Variants in SYT17 observed in about 807,000 individuals in gnomAD.
The protein encoded by SYT17 is synaptotagmin-17.
In SYT17, 22 loss-of-function variants were observed where a neutral mutation model predicts 46.7. The observed-to-expected ratio is 0.47, with a 90% CI of 0.34 to 0.67. The LOEUF is 0.67. SYT17 is among the 30% of genes least tolerant of loss of function. The pLI, the probability that SYT17 is intolerant of heterozygous loss-of-function variation, is 0.01. For missense variants in SYT17, 519 were observed against 612.8 expected (o/e 0.85, Z 1.62); for synonymous variants, 251 against 248.4 (o/e 1.01, Z -0.10).
intron 7 of SYT17, among the ~76,000 whole-genome samples, chr16:19,232,123 AGGGGTTGGC>A (rs1966719455): frequency 1.3e-5 from 2 of 152,210 alleles, no homozygotes; most frequent in Admixed American, 1.3e-4. Flanking sequence ...TAAAACTGCC[AGGGGTTGGC>A]ATGAAAGACC....
At chr16:19,201,451 A>G (rs1379360662) in intron 5 of SYT17, among the ~76,000 whole-genome samples, 2 of 152,126 alleles carry the variant, frequency 1.3e-5, no homozygotes, top group Non-Finnish European at 2.9e-5. Flanking sequence ...ACTCCTGTAC[A>G]AATGCCCAGT....
intron 7 of SYT17, among the ~76,000 whole-genome samples, chr16:19,232,753 C>A (rs1398352071): frequency 6.6e-6 from 1 of 151,902 alleles, no homozygotes; most frequent in Non-Finnish European, 1.5e-5. Flanking sequence ...ATTGCTTGAG[C>A]CTTGGGAGGT....
rs574857424 is a variant in SYT17 at position 19,247,950 on chromosome 16, A to C, written c.1229-18930A>C. Among the ~76,000 whole-genome samples, 14 of 152,344 alleles carry C rather than the reference A, an allele frequency of 9.2e-5. No homozygotes were observed. In the South Asian group the frequency reaches 2.7e-3, roughly 29 times the overall value. On this transcript the variant is annotated intron_variant, in intron 7 of 7. Transcript: ENST00000355377. ...AAATAAAAAGCCAAGCCATGCCCTG[A>C]GAGAAATTTTTGGCAAAACATATAT... is the stretch of plus-strand genomic sequence containing the variant.
At chr16:19,215,155 G>C (rs1003280662) in intron 5 of SYT17, among the ~76,000 whole-genome samples, 4 of 152,188 alleles carry the variant, frequency 2.6e-5, no homozygotes, top group African/African-American at 7.2e-5. Flanking sequence ...AACGGGAACT[G>C]CAGTGCTATT....
rs148528153 is a variant in SYT17 at position 19,203,963 on chromosome 16, C to T, written c.952-19082C>T. Among the ~76,000 whole-genome samples, 667 of 152,304 alleles carry T rather than the reference C, an allele frequency of 4.4e-3. 1 individual carries two copies. The highest frequency in any genetic ancestry group is 0.024 in the Middle Eastern group (7 of 294). On this transcript the variant is annotated intron_variant, in intron 5 of 7. Coordinates refer to ENST00000355377, the MANE Select transcript of SYT17 (RefSeq NM_016524.4). ...AAGCGGAAGCTGGGGAATGAAAAGC[C>T]TCAGGCCAGGCCATGGATCTTAGCG...
At chr16:19,201,104 C>T (rs543883997) in intron 5 of SYT17, among the ~76,000 whole-genome samples, 44 of 152,276 alleles carry the variant, frequency 2.9e-4, no homozygotes, top group Admixed American at 3.9e-4. Context: ...CAGCTACTGC[C>T]GGACAGTCCA....
chr16:19,177,216 G>A (rs1369810341), intron 3 of SYT17, among the ~76,000 whole-genome samples: 1 of 152,100 alleles, frequency 6.6e-6, no homozygotes, highest in Non-Finnish European at 1.5e-5. Flanking sequence ...AAGTGGACTG[G>A]AACTTTCCCA....
chr16:19,205,776 C>G (rs1965646746), intron 5 of SYT17, among the ~76,000 whole-genome samples: 1 of 152,232 alleles, frequency 6.6e-6, no homozygotes, highest in African/African-American at 2.4e-5. Context: ...GCCACTGCAC[C>G]CAGCCCCTTG....
chr16:19,266,896 G>T lies in SYT17; in HGVS notation c.1245G>T (p.Met415Ile). ...SLVFTVFGHN[M>I]KSSNDFIGRI... The stretch of plus-strand genomic sequence containing the variant: ...GCTCCCTAGTTTTCGGCCACAACAT[G>T]AAGAGCAGCAATGACTTCATCGGGA... Residue 415 changes from methionine (M) to isoleucine (I), a missense_variant, in exon 8 of 8, where the codon ATG becomes ATT. Coordinates refer to ENST00000355377, the MANE Select transcript of SYT17 (RefSeq NM_016524.4). The T allele has an allele frequency of 6.2e-7, 1 of 1,613,138 alleles. No homozygotes were observed. The highest frequency in any genetic ancestry group is 8.5e-7 in the Non-Finnish European group (1 of 1,179,752).
intron 7 of SYT17, among the ~76,000 whole-genome samples, chr16:19,230,120 T>C (rs142425809): frequency 0.013 from 2,008 of 152,130 alleles, 46 homozygotes; most frequent in African/African-American, 0.047. Context: ...TAAGAAAAGT[T>C]CTGGAGGCCA....
chr16:19,169,949 C>T (rs1964018443), intron 1 of SYT17: 1 of 152,104 alleles, frequency 6.6e-6, no homozygotes, highest in Admixed American at 6.6e-5. Context: ...CCGCCTTCAG[C>T]ACAGAGAAAT....
chr16:19,174,729 T>C (rs1166474835), intron 3 of SYT17, among the ~76,000 whole-genome samples: 2 of 152,194 alleles, frequency 1.3e-5, no homozygotes, highest in Admixed American at 6.5e-5. Context: ...ATAAAAAGAA[T>C]AGTATTTCTC....
chr16:19,190,021 T>C (rs921603582), intron 5 of SYT17, among the ~76,000 whole-genome samples: 12 of 152,160 alleles, frequency 7.9e-5, no homozygotes, highest in African/African-American at 2.4e-4. Context: ...AGTGATAAGG[T>C]TGGCTGGAAG....
chr16:19,193,947 T>C (rs1170310205), intron 5 of SYT17, among the ~76,000 whole-genome samples: 1 of 152,194 alleles, frequency 6.6e-6, no homozygotes, highest in African/African-American at 2.4e-5. Flanking sequence ...CAGTAGGCAG[T>C]CAACGAAGTC....
intron 5 of SYT17, among the ~76,000 whole-genome samples, chr16:19,185,875 G>A (rs889085684): frequency 7.2e-5 from 11 of 152,184 alleles, no homozygotes; most frequent in African/African-American, 2.4e-4. Context: ...GTAATGTGTC[G>A]CCTTCCAGTG....
rs530397668 is a variant in SYT17 at position 19,214,887 on chromosome 16, C to T, written c.952-8158C>T. The stretch of plus-strand genomic sequence containing the variant: ...TCACTGAAACTTCCGCCTTCTGGGT[C>T]AAGGGAGTCTCCCACCTCAGCCTCC... On this transcript the variant is annotated intron_variant, in intron 5 of 7. Coordinates refer to ENST00000355377, the MANE Select transcript of SYT17 (RefSeq NM_016524.4). 2.6e-5 allele frequency among the ~76,000 whole-genome samples: 4 copies of T among 151,876 alleles called. No individual in the cohort carries two copies. In the East Asian group the frequency reaches 5.8e-4, roughly 22 times the overall value.
At chr16:19,181,391 C>T (rs1010483611) in intron 4 of SYT17, among the ~76,000 whole-genome samples, 1 of 152,014 alleles carries the variant, frequency 6.6e-6, no homozygotes, top group Non-Finnish European at 1.5e-5. Context: ...GAGGGAAAAG[C>T]TTCAAATGCA....
intron 7 of SYT17, among the ~76,000 whole-genome samples, chr16:19,262,312 A>G (rs1169415442): frequency 6.6e-6 from 1 of 152,144 alleles, no homozygotes; most frequent in Non-Finnish European, 1.5e-5. Context: ...AACCCAAGAG[A>G]ACTGTCTTGC....
intron 7 of SYT17, among the ~76,000 whole-genome samples, chr16:19,258,566 C>T (rs1302189587): frequency 2.6e-5 from 4 of 152,100 alleles, no homozygotes; most frequent in Admixed American, 6.6e-5. Context: ...CACTTCAACC[C>T]GGGAGGCGGA....
Sources: gnomAD v4.1 joint callset for allele counts (sites outside exome capture counted in the v4.1 genomes callset) on GRCh38, gnomAD v4.1.1 for gene constraint, MANE v1.5 for transcripts, NCBI Gene and HGNC (gene_info 2026-07-23, HGNC 2026-07-21) for gene names.